Variants in VPS13C observed in about 807,000 individuals in gnomAD.
VPS13C encodes the protein vacuolar protein sorting 13 homolog C, also known as intermembrane lipid transfer protein VPS13C.
Under a neutral mutation model 456.8 loss-of-function variants are expected in VPS13C, and 358 were observed. The observed-to-expected ratio is 0.78, with a 90% CI of 0.72 to 0.86. The LOEUF (loss-of-function observed/expected upper bound fraction) is 0.86. VPS13C is among the 40% of genes least tolerant of loss of function. The pLI, the probability that VPS13C is intolerant of heterozygous loss-of-function variation, is 0.00. For missense variants in VPS13C, 4,818 were observed against 4,385.4 expected (o/e 1.10, Z -2.79); for synonymous variants, 1,578 against 1,486.7 (o/e 1.06, Z -1.41).
chr15:62,053,628 T>C (rs923656711), intron 1 of VPS13C, among the ~76,000 whole-genome samples: 1 of 152,216 alleles, frequency 6.6e-6, no homozygotes, highest in African/African-American at 2.4e-5. Context: ...GAGATGACCT[T>C]GTCTAACCTT....
In VPS13C at chr15:62,025,655, C is replaced by T. The variant is rs138070294; in HGVS notation, c.449-1810G>A. On this transcript the variant is annotated intron_variant, in intron 6 of 84. Coordinates refer to ENST00000644861, the MANE Select transcript of VPS13C (RefSeq NM_020821.3). ...AATGGCAGATACACCATGTTTAAAC[C>T]TCTCTAAACAGTTTAAATCTAATCT... 1.5e-3 allele frequency among the ~76,000 whole-genome samples: 235 copies of T among 152,210 alleles called. 3 individuals carry two copies. The East Asian group carries it at 0.026, about 17-fold the overall frequency.
chr15:61,927,061 C>T (rs1272443634), intron 52 of VPS13C, 30 bp downstream of exon 52: 1 of 1,591,872 alleles, frequency 6.3e-7, no homozygotes, highest in African/African-American at 1.3e-5. Flanking sequence ...CATTCTTCAA[C>T]CCAAGATTAG....
intron 24 of VPS13C, among the ~76,000 whole-genome samples, chr15:61,974,755 A>T (rs1259840367): frequency 6.6e-6 from 1 of 152,178 alleles, no homozygotes; most frequent in Non-Finnish European, 1.5e-5. Context: ...AGAGTATTTA[A>T]CCTCATCACT....
At chr15:62,007,554 A>G in intron 14 of VPS13C, 75 bp from the exon 15 acceptor site, 1 of 1,298,026 alleles carries the variant, frequency 7.7e-7, no homozygotes, top group Non-Finnish European at 1.0e-6. Context: ...TTGACATTTT[A>G]GATCTTATGC....
intron 9 of VPS13C, among the ~76,000 whole-genome samples, chr15:62,018,820 T>C (rs1184360036): frequency 6.6e-6 from 1 of 152,134 alleles, no homozygotes; most frequent in African/African-American, 2.4e-5. Context: ...TTAGGGAGGA[T>C]TCCCTCTTTT....
Position 61,863,433 on chromosome 15 carries a change from T to C in VPS13C, c.10952+7A>G. The C allele has an allele frequency of 6.2e-7, 1 of 1,604,794 alleles. No homozygotes were observed. On this transcript the variant is annotated splice_region_variant and intron_variant, in intron 82 of 84. Transcript: ENST00000644861. The stretch of plus-strand genomic sequence containing the variant: ...CTATTTGGAAAAATGTCACTTCAAG[T>C]CAGTACCTATTTGTAACCATAAGGA...
In VPS13C at chr15:61,974,329, G is replaced by C; in HGVS notation, c.2497C>G (p.Pro833Ala). The C allele has an allele frequency of 6.2e-7, 1 of 1,612,518 alleles. No individual in the cohort carries two copies. Among genetic ancestry groups the C allele is most frequent in the African/African-American group, 1.3e-5 (1 of 74,956 alleles). Residue 833 changes from proline to alanine, a missense_variant, in exon 25 of 85, where the codon CCT becomes GCT. Transcript: ENST00000644861. ...KDVLYLMNSI[P>A]LPQKSSAQSP... ...TGGGCTGATGATTTCTGTGGCAAAGGTATACTGTTCATCAAATATAGCACA... is the reference window on the plus strand; with the variant it reads ...TGGGCTGATGATTTCTGTGGCAAAGCTATACTGTTCATCAAATATAGCACA...
intron 8 of VPS13C, among the ~76,000 whole-genome samples, chr15:62,023,123 T>C (rs1415607644): frequency 1.3e-4 from 20 of 151,952 alleles, no homozygotes; most frequent in Admixed American, 1.3e-3. Flanking sequence ...CTTAAAGTTA[T>C]AATATTATGT....
intron 23 of VPS13C, 88 bp downstream of exon 23, chr15:61,978,538 G>A (rs1486342251): frequency 4.8e-6 from 7 of 1,444,442 alleles, no homozygotes; most frequent in Non-Finnish European, 9.2e-7. Flanking sequence ...GGTTGTCAGG[G>A]TTGATATATA....
intron 4 of VPS13C, among the ~76,000 whole-genome samples, chr15:62,033,968 C>A (rs1228638315): frequency 6.6e-6 from 1 of 151,130 alleles, no homozygotes; most frequent in Non-Finnish European, 1.5e-5. Context: ...TATCAACAAT[C>A]ATAAAATATA....
rs1895069310 is a variant in VPS13C at position 61,872,019 on chromosome 15, C to G, written c.10594G>C (p.Val3532Leu). The change falls in exon 79 of 85, where the codon GTG becomes CTG. Residue 3532 changes from valine (V) to leucine (L), a missense_variant. Physicochemically the swap from Val to Leu is conservative, Grantham distance 32 (BLOSUM62 1). Around this residue, in one of 3 missense-constraint regions of VPS13C, gnomAD observed 4,552 missense variants for 4,130.6 expected, o/e 1.10. Transcript: ENST00000644861. ...ACAGGTTTTGTTATTATTCCAGTCA[C>G]TCCACCAACAACTCCCTGAAAGAGA... Reference protein sequence around the residue: ...KGFLRGVVGGVTGIITKPVEG... With the variant: ...KGFLRGVVGGLTGIITKPVEG... 6.2e-7 allele frequency: 1 copy of G among 1,612,488 alleles called. No homozygotes were observed. Among genetic ancestry groups the G allele is most frequent in the African/African-American group, 1.3e-5 (1 of 74,828 alleles).
At chr15:62,031,902 A>C (rs528032609) in intron 5 of VPS13C, among the ~76,000 whole-genome samples, 9 of 151,924 alleles carry the variant, frequency 5.9e-5, no homozygotes, top group Non-Finnish European at 1.0e-4. Context: ...TTAAACTGTC[A>C]ATCACGAAAA....
intron 9 of VPS13C, among the ~76,000 whole-genome samples, chr15:62,017,827 T>C (rs932593192): frequency 1.3e-5 from 2 of 152,190 alleles, no homozygotes; most frequent in African/African-American, 2.4e-5. Flanking sequence ...GTGAAGAAAG[T>C]CATTGGTAGC....
At chr15:61,887,248 T>C (rs954628282) in intron 67 of VPS13C, among the ~76,000 whole-genome samples, 1 of 152,124 alleles carries the variant, frequency 6.6e-6, no homozygotes, top group African/African-American at 2.4e-5. Flanking sequence ...ATGCCAGCAA[T>C]AAACAATTGA....
chr15:62,042,014 T>C (rs1411190309), intron 2 of VPS13C, among the ~76,000 whole-genome samples: 3 of 152,128 alleles, frequency 2.0e-5, no homozygotes, highest in Non-Finnish European at 2.9e-5. Context: ...TTATCTGAAA[T>C]ACTAGAACAG....
intron 2 of VPS13C, among the ~76,000 whole-genome samples, chr15:62,043,431 C>T (rs1329084607): frequency 1.3e-5 from 2 of 152,122 alleles, no homozygotes; most frequent in Non-Finnish European, 1.5e-5. Context: ...CATGGCAAAA[C>T]CCAACCTCTA....
chr15:61,882,717 G>T lies in VPS13C; in HGVS notation c.9503C>A (p.Pro3168Gln). 1.3e-6 allele frequency: 2 copies of T among 1,590,558 alleles called. No individual in the cohort carries two copies. Among genetic ancestry groups the T allele is most frequent in the Non-Finnish European group, 1.7e-6 (2 of 1,170,628 alleles). Residue 3168 changes from proline (P) to glutamine (Q), a missense_variant, in exon 69 of 85, where the codon CCA (proline) becomes CAA (glutamine). Physicochemically the swap from Pro to Gln is moderately conservative, Grantham distance 76. Coordinates refer to ENST00000644861, the MANE Select transcript of VPS13C (RefSeq NM_020821.3). ...NNFEVNFDKD[P>Q]MEMRLPIRSP... is the part of the protein sequence containing the mutation. The stretch of plus-strand genomic sequence containing the variant: ...ACGAATAGGGAGGCGCATTTCCATT[G>T]GATCTTTATCAAAATTGACCTAGAA...
intron 43 of VPS13C, among the ~76,000 whole-genome samples, chr15:61,946,727 C>G (rs1462781706): frequency 6.6e-6 from 1 of 151,274 alleles, no homozygotes; most frequent in African/African-American, 2.4e-5. Flanking sequence ...ACTTAAATAT[C>G]CTCTGCATTG....
chr15:62,007,262 G>T, intron 15 of VPS13C, 46 bp downstream of exon 15: 1 of 1,296,880 alleles, frequency 7.7e-7, no homozygotes. Context: ...AATATTAAAG[G>T]ATGATTAGAC....
Sources: gnomAD v4.1 joint callset for allele counts (sites outside exome capture counted in the v4.1 genomes callset) on GRCh38, gnomAD v4.1.1 for gene constraint, gnomAD v4.1.1 regional missense constraint, MANE v1.5 for transcripts, NCBI Gene and HGNC (gene_info 2026-07-23, HGNC 2026-07-21) for gene names.